INTS6: variants seen among roughly 807,000 people sequenced by gnomAD.
INTS6 encodes the protein DEAD box protein.
In INTS6, 16 loss-of-function variants were observed where a neutral mutation model predicts 104.9. The ratio of observed to expected loss-of-function variants is 0.15; its 90% CI spans 0.10 to 0.23. The LOEUF (loss-of-function observed/expected upper bound fraction) is 0.23. INTS6 is among the 10% of genes least tolerant of loss of function. INTS6 has a pLI of 1.00. For synonymous variants in INTS6, 324 were observed against 358.7 expected, an observed-to-expected ratio of 0.90 and a Z score of 1.09; for missense variants, 584 against 1,062.8, an observed-to-expected ratio of 0.55 and a Z score of 6.26.
chr13:51,344,213 A>T, the INTS6 span: 1 of 1,496,336 alleles, frequency 6.7e-7, no homozygotes, highest in Non-Finnish European at 9.3e-7. Context: ...CCTTACTCAC[A>T]CTCACCATTG....
At chr13:51,422,123 A>G (rs1956906239) in intron 4 of INTS6, among the ~76,000 whole-genome samples, 1 of 152,196 alleles carries the variant, frequency 6.6e-6, no homozygotes, top group Non-Finnish European at 1.5e-5. Flanking sequence ...ATTGTTTTAA[A>G]TGTTAAATTA....
chr13:51,429,163 C>G (rs964640961), intron 4 of INTS6, among the ~76,000 whole-genome samples: 10 of 152,230 alleles, frequency 6.6e-5, no homozygotes, highest in African/African-American at 2.4e-4. Flanking sequence ...GCCCTGACTC[C>G]ATGTCCAATT....
chr13:51,413,032 A>G (rs910343284), intron 4 of INTS6, among the ~76,000 whole-genome samples: 1 of 152,206 alleles, frequency 6.6e-6, no homozygotes, highest in Non-Finnish European at 1.5e-5. Flanking sequence ...TCTGAACAGC[A>G]ACTGTGTGAC....
chr13:51,379,129 TAA>T (rs1386636491), intron 11 of INTS6, among the ~76,000 whole-genome samples: 3 of 151,844 alleles, frequency 2.0e-5, no homozygotes, highest in East Asian at 3.9e-4. Flanking sequence ...TTTCAAAACA[TAA>T]AGAGTTTTTT....
chr13:51,412,669 G>C (rs961971377), intron 4 of INTS6, among the ~76,000 whole-genome samples: 6 of 152,178 alleles, frequency 3.9e-5, no homozygotes, highest in Non-Finnish European at 8.8e-5. Flanking sequence ...AAACCAGAGT[G>C]GTTTCATTAT....
chr13:51,429,785 A>AAAAAAAAAAATATATATATAT (rs1156333077), intron 4 of INTS6, among the ~76,000 whole-genome samples: 1 of 92,354 alleles, frequency 1.1e-5, no homozygotes, highest in Non-Finnish European at 2.0e-5. Flanking sequence ...AAAAAAAAAA[A>AAAAAAAAAAATATATATATAT]ATATATATAT....
At chr13:51,357,214 C>G (rs2137812532), downstream of INTS6, among the ~76,000 whole-genome samples, 1 of 152,248 alleles carries the variant, frequency 6.6e-6, no homozygotes, top group South Asian at 2.1e-4. Context: ...TAAACATAAT[C>G]AAGAGACTAA....
At chr13:51,448,840 T>C (rs1952977897) in intron 3 of INTS6, 2 of 152,008 alleles carry the variant, frequency 1.3e-5, no homozygotes, top group Non-Finnish European at 2.9e-5. Context: ...CAGATCCTAG[T>C]ATAGAGCAGG....
chr13:51,360,185 T>C (rs1364932172), downstream of INTS6, among the ~76,000 whole-genome samples: 1 of 152,088 alleles, frequency 6.6e-6, no homozygotes, highest in African/African-American at 2.4e-5. Flanking sequence ...AGCGTTAGTC[T>C]AAGATGAAAC....
intron 4 of INTS6, among the ~76,000 whole-genome samples, chr13:51,399,717 T>C (rs1385825266): frequency 1.7e-5 from 2 of 118,138 alleles, no homozygotes; most frequent in Non-Finnish European, 4.2e-5. Context: ...GGTGTGTGTG[T>C]GTGTGCGTGT....
downstream of INTS6, among the ~76,000 whole-genome samples, chr13:51,352,394 G>A (rs1955413294): frequency 2.0e-5 from 3 of 150,310 alleles, no homozygotes; most frequent in Non-Finnish European, 3.0e-5. Context: ...GTTCTATAGC[G>A]TATACAAACA....
In INTS6 at chr13:51,361,833, C is replaced by T. The variant is rs569577758; in HGVS notation, c.*3919G>A. The T allele has an allele frequency of 2.4e-5, 39 of 1,609,998 alleles. No individual in the cohort carries two copies. Among genetic ancestry groups the T allele is most frequent in the Non-Finnish European group, 3.1e-5 (36 of 1,178,226 alleles). ...AGCTCTGTTGTTATTGAAAAGGTCT[C>T]GGATTCCTATTTTTAAAGCAGATCG... On this transcript the variant is annotated 3_prime_UTR_variant, in exon 18 of 18. Transcript: ENST00000311234.
intron 4 of INTS6, among the ~76,000 whole-genome samples, chr13:51,425,960 T>A (rs73197808): frequency 0.024 from 3,598 of 151,870 alleles, 58 homozygotes; most frequent in South Asian, 0.059. Context: ...TTTTATCAAA[T>A]AGCTGCATTA....
chr13:51,342,417 G>T, the INTS6 span, among the ~76,000 whole-genome samples: 3 of 152,108 alleles, frequency 2.0e-5, no homozygotes, highest in African/African-American at 4.8e-5. Context: ...CAATTCACAG[G>T]ACTGTCAAAA....
At chr13:51,379,929 G>C (rs1445456625) in intron 10 of INTS6, among the ~76,000 whole-genome samples, 1 of 151,952 alleles carries the variant, frequency 6.6e-6, no homozygotes, top group Non-Finnish European at 1.5e-5. Context: ...CAAGGAAAAT[G>C]CAAGATTTCT....
intron 4 of INTS6, among the ~76,000 whole-genome samples, chr13:51,396,267 G>C (rs1451870572): frequency 1.3e-5 from 2 of 152,112 alleles, no homozygotes; most frequent in Non-Finnish European, 2.9e-5. Context: ...CAAAGCATTT[G>C]TAGAAGAGTA....
intron 4 of INTS6, among the ~76,000 whole-genome samples, chr13:51,407,731 C>T (rs973221428): frequency 1.4e-4 from 21 of 151,868 alleles, no homozygotes; most frequent in Admixed American, 3.9e-4. Flanking sequence ...ATACATACAC[C>T]ATAAGAGTGT....
chr13:51,387,146 G>T (rs769230864), intron 7 of INTS6, among the ~76,000 whole-genome samples: 1 of 152,102 alleles, frequency 6.6e-6, no homozygotes, highest in Non-Finnish European at 1.5e-5. Flanking sequence ...AATAAAAATC[G>T]CAAGCATAGT....
At chr13:51,354,916 G>A (rs1955456471) in intron 3 of INTS6, 1 of 626,566 alleles carries the variant, frequency 1.6e-6, no homozygotes, top group Admixed American at 2.7e-5. Flanking sequence ...CATGGAAGAT[G>A]AAGCTGGAAA....
Sources: gnomAD v4.1 joint callset for allele counts (sites outside exome capture counted in the v4.1 genomes callset) on GRCh38, gnomAD v4.1.1 for gene constraint, MANE v1.5 for transcripts, NCBI Gene and HGNC (gene_info 2026-07-23, HGNC 2026-07-21) for gene names.